CADPS: variants seen among roughly 807,000 people sequenced by gnomAD.
CADPS encodes calcium-dependent secretion activator 1.
CADPS carries 57 observed loss-of-function variants against 167.3 expected under a neutral mutation model. The ratio of observed to expected loss-of-function variants is 0.34; its 90% confidence interval spans 0.28 to 0.42. The LOEUF (loss-of-function observed/expected upper bound fraction) is 0.42. Among genes scored for constraint, CADPS ranks in the 20% least tolerant of loss-of-function variants. The probability of loss-of-function intolerance (pLI) is 1.00; values close to 1 mark genes in which losing one functional copy is unlikely to be tolerated. For synonymous variants in CADPS, 676 were observed against 635.3 expected (o/e 1.06, Z -0.96); for missense variants, 1,414 against 1,738.1 (o/e 0.81, Z 3.32).
chr3:62,642,034 T>C (rs2067528886), intron 6 of CADPS, among the ~76,000 whole-genome samples: 1 of 151,300 alleles, frequency 6.6e-6, no homozygotes, highest in African/African-American at 2.4e-5. Context: ...GTCAATTCAA[T>C]ACATGAGGAT....
intron 3 of CADPS, among the ~76,000 whole-genome samples, chr3:62,744,729 G>A (rs568653483): frequency 6.6e-6 from 1 of 152,286 alleles, no homozygotes; most frequent in Non-Finnish European, 1.5e-5. Context: ...TTGAATAAAT[G>A]AGCATACTTA....
At position 62,867,741 on chromosome 3, in the gene CADPS, T is replaced by C. The variant is rs541848232; in HGVS notation, c.441+6848A>G. Among the ~76,000 whole-genome samples, 4 of 152,186 alleles carry C rather than the reference T, an allele frequency of 2.6e-5. No homozygotes were observed. The South Asian group carries it at 6.2e-4, about 24-fold the overall frequency. ...CTTTCAGATAAAAACACTGCACATATCAACTTAGCAATAACAAGAGCTGAC... is the reference window on the plus strand; with the variant it reads ...CTTTCAGATAAAAACACTGCACATACCAACTTAGCAATAACAAGAGCTGAC... On this transcript the variant is annotated intron_variant, in intron 1 of 29. Transcript: ENST00000383710.
At chr3:62,509,691 G>A (rs930377361) in intron 17 of CADPS, among the ~76,000 whole-genome samples, 3 of 152,080 alleles carry the variant, frequency 2.0e-5, no homozygotes, top group African/African-American at 4.8e-5. Flanking sequence ...AACTGCCCTC[G>A]GGAAGAATTT....
chr3:62,536,402 A>C (rs1373932081), intron 12 of CADPS, 43 bp downstream of exon 12: 1 of 1,555,674 alleles, frequency 6.4e-7, no homozygotes, highest in Non-Finnish European at 8.8e-7. Context: ...AAATGAAAAA[A>C]AATGTTATGT....
chr3:62,466,368 T>C lies in CADPS; in HGVS notation c.3523A>G (p.Lys1175Glu), dbSNP rs746556427. Residue 1175 changes from lysine to glutamate, a missense_variant, in exon 25 of 30, where the codon AAA (lysine) becomes GAA (glutamate). Around this residue, in one of 6 missense-constraint regions of CADPS, gnomAD observed 185 missense variants for 251.5 expected, o/e 0.74. Coordinates refer to ENST00000383710, the MANE Select transcript of CADPS (RefSeq NM_003716.4). ...GCAACCAAGAGTGTTATCATTTCTT[T>C]AACAGTTTCTTCAATTAGTTCGTCT... is the stretch of plus-strand genomic sequence containing the variant. ...KIDELIEETV[K>E]EMITLLVAKF... 1.7e-5 allele frequency: 28 copies of C among 1,612,256 alleles called. No individual in the cohort carries two copies. The highest frequency in any genetic ancestry group is 2.4e-5 in the Non-Finnish European group (28 of 1,178,410).
chr3:62,519,776 T>C (rs918527790), intron 13 of CADPS, among the ~76,000 whole-genome samples: 8 of 151,312 alleles, frequency 5.3e-5, no homozygotes, highest in Admixed American at 5.3e-4. Flanking sequence ...CAAGCTACCA[T>C]GCTTAACAAA....
At chr3:62,594,414 G>T (rs1389858367) in intron 6 of CADPS, among the ~76,000 whole-genome samples, 1 of 152,192 alleles carries the variant, frequency 6.6e-6, no homozygotes, top group East Asian at 1.9e-4. Context: ...GCCCGCCTCG[G>T]CCTCCCAAAG....
At chr3:62,659,327 T>C (rs76658135) in intron 4 of CADPS, among the ~76,000 whole-genome samples, 1 of 152,294 alleles carries the variant, frequency 6.6e-6, no homozygotes, top group African/African-American at 2.4e-5. Context: ...GAGATCTTGA[T>C]ATTTTATTTA....
intron 28 of CADPS, among the ~76,000 whole-genome samples, chr3:62,430,981 C>T (rs2053808274): frequency 6.6e-6 from 1 of 152,136 alleles, no homozygotes; most frequent in African/African-American, 2.4e-5. Context: ...GGTTTCAATA[C>T]ACATAATCTC....
intron 8 of CADPS, among the ~76,000 whole-genome samples, chr3:62,580,757 G>A (rs1410229765): frequency 1.3e-5 from 2 of 152,098 alleles, no homozygotes. Context: ...TGTGTGCCTT[G>A]CTTAAAGTAA....
intron 1 of CADPS, among the ~76,000 whole-genome samples, chr3:62,853,473 G>C (rs2079021866): frequency 6.6e-6 from 1 of 151,322 alleles, no homozygotes; most frequent in South Asian, 2.1e-4. Flanking sequence ...AAAATACAAA[G>C]AATTAGGTGG....
intron 6 of CADPS, among the ~76,000 whole-genome samples, chr3:62,617,804 G>A (rs1386741931): frequency 6.6e-6 from 1 of 152,144 alleles, no homozygotes; most frequent in Non-Finnish European, 1.5e-5. Flanking sequence ...TGTAGGTTGG[G>A]TAGGATGAAT....
intron 3 of CADPS, among the ~76,000 whole-genome samples, chr3:62,696,612 G>T (rs1216409838): frequency 2.0e-5 from 3 of 152,038 alleles, no homozygotes; most frequent in Non-Finnish European, 4.4e-5. Flanking sequence ...GGGGATGGGG[G>T]CTGCTGCCCG....
At position 62,764,672 on chromosome 3, in the gene CADPS, C is replaced by T. The variant is rs150004788; in HGVS notation, c.555+1199G>A. On this transcript the variant is annotated intron_variant, in intron 2 of 29. Coordinates refer to ENST00000383710, the MANE Select transcript of CADPS (RefSeq NM_003716.4). ...AGAGTTTTGCCATATCAGGATTTTG[C>T]CTCTACCGAGGCTTCAATCAATTAA... 1.4e-3 allele frequency among the ~76,000 whole-genome samples: 206 copies of T among 152,296 alleles called. No homozygotes were observed. The Middle Eastern group carries it at 0.031, about 23-fold the overall frequency.
intron 19 of CADPS, among the ~76,000 whole-genome samples, chr3:62,493,417 C>T (rs891716629): frequency 3.9e-5 from 6 of 152,064 alleles, no homozygotes; most frequent in East Asian, 1.9e-4. Flanking sequence ...CATTCAATGC[C>T]GCAAAGTATT....
intron 9 of CADPS, among the ~76,000 whole-genome samples, chr3:62,568,794 A>G (rs1389031793): frequency 1.3e-5 from 2 of 152,202 alleles, no homozygotes; most frequent in African/African-American, 2.4e-5. Context: ...TTCTGGAACT[A>G]TGCTGGCCCT....
At position 62,601,152 on chromosome 3, in the gene CADPS, A is replaced by G. The variant is rs1272209696; in HGVS notation, c.1326-8404T>C. Among the ~76,000 whole-genome samples the G allele has an allele frequency of 6.6e-6, 1 of 152,218 alleles. No homozygotes were observed. Among genetic ancestry groups the G allele is most frequent in the Non-Finnish European group, 1.5e-5 (1 of 68,034 alleles). ...TGGGTCTGCTTATGTATGGCTCATA[A>G]GCTAATAAGGGCTTTGTATTTTCAA... On this transcript the variant is annotated intron_variant, in intron 6 of 29. Transcript: ENST00000383710. This position sits in a 1 kb window ranked among gnomAD's most constrained non-coding sequence, Gnocchi z 4.3.
chr3:62,793,463 C>T (rs551626363), intron 1 of CADPS, among the ~76,000 whole-genome samples: 80 of 152,280 alleles, frequency 5.3e-4, no homozygotes, highest in South Asian at 1.5e-3. Context: ...CAGCAGATCA[C>T]TCCATTAAGC....
At chr3:62,800,257 C>G (rs78798282) in intron 1 of CADPS, among the ~76,000 whole-genome samples, 1 of 152,026 alleles carries the variant, frequency 6.6e-6, no homozygotes, top group African/African-American at 2.4e-5. Context: ...AATTGTACAC[C>G]CTTCTCAGTT....
Sources: gnomAD v4.1 joint callset for allele counts (sites outside exome capture counted in the v4.1 genomes callset) on GRCh38, gnomAD v4.1.1 for gene constraint, gnomAD v4.1.1 regional missense constraint, Gnocchi (gnomAD v3.1) non-coding constraint, MANE v1.5 for transcripts, NCBI Gene and HGNC (gene_info 2026-07-23, HGNC 2026-07-21) for gene names.